UBXN11: variants seen among roughly 807,000 people sequenced by gnomAD.
UBXN11 encodes the protein UBX domain-containing protein 11.
A neutral mutation model predicts 62.8 loss-of-function variants in UBXN11; 47 were observed. The ratio of observed to expected loss-of-function variants is 0.75; its 90% CI spans 0.59 to 0.95. The LOEUF is 0.95. Ranked by LOEUF, UBXN11 falls within the 40% of genes least tolerant of loss-of-function variation. The pLI, the probability that UBXN11 is intolerant of heterozygous loss-of-function variation, is 0.00. For synonymous variants in UBXN11, 294 were observed against 267.0 expected, an observed-to-expected ratio of 1.10 and a Z score of -0.99; for missense variants, 638 against 661.7, an observed-to-expected ratio of 0.96 and a Z score of 0.39.
intron 8 of UBXN11, among the ~76,000 whole-genome samples, chr1:26,291,436 T>C (rs537467691): frequency 2.2e-4 from 34 of 152,308 alleles, no homozygotes; most frequent in Non-Finnish European, 4.9e-4. Context: ...ACCACAGATA[T>C]GGCCAGGGCC....
In UBXN11 at chr1:26,302,778, C is replaced by T. The variant is rs748045923; in HGVS notation, c.71+35G>A. The T allele has an allele frequency of 1.7e-5, 27 of 1,589,436 alleles. No homozygotes were observed. The East Asian group carries it at 3.1e-4, about 18-fold the overall frequency. ...GGAAGGATAGAAGAGGATACAGAGG[C>T]GGGGACAGAAAGACCCCTGAGGCTG... On this transcript the variant is annotated intron_variant, in intron 2 of 14. Transcript: ENST00000374222.
chr1:26,282,551 G>A lies in UBXN11; in HGVS notation c.1311C>T (p.Ala437=), dbSNP rs1383871295. ...LAQARVMDAS[A]FEIFSTFPPT... ...GCGGGAATGTGCTGAAGATCTCAAA[G>A]GCAGAGGCATCCATGACCCTGGGGA... The change falls in exon 15 of 15, where the codon GCC becomes GCT. Residue 437 remains alanine, a synonymous_variant. Coordinates refer to ENST00000374222, the MANE Select transcript of UBXN11 (RefSeq NM_001389556.1). 1.3e-6 allele frequency: 2 copies of A among 1,598,910 alleles called. No individual in the cohort carries two copies. The highest frequency in any genetic ancestry group is 1.7e-6 in the Non-Finnish European group (2 of 1,169,482).
chr1:26,300,352 A>G (rs2073500908), intron 4 of UBXN11, among the ~76,000 whole-genome samples: 1 of 152,198 alleles, frequency 6.6e-6, no homozygotes, highest in South Asian at 2.1e-4. Flanking sequence ...TGCTCAAGAT[A>G]CCACAGCTAG....
intron 8 of UBXN11, among the ~76,000 whole-genome samples, chr1:26,291,138 A>G (rs1454617465): frequency 6.6e-6 from 1 of 152,072 alleles, no homozygotes. Context: ...CTCACCCTCC[A>G]CAGGCCTCCA....
intron 1 of UBXN11, 33 bp from the exon 2 acceptor site, chr1:26,302,951 C>T: frequency 6.6e-7 from 1 of 1,509,452 alleles, no homozygotes; most frequent in Non-Finnish European, 9.1e-7. Context: ...CCCCTGGGGA[C>T]AGACTCAGGG....
upstream of UBXN11, chr1:26,306,842 T>TGGGGG (rs1201356841): frequency 7.4e-4 from 22 of 29,790 alleles, no homozygotes; most frequent in African/African-American, 8.4e-4. Flanking sequence ...GGGGGGGGGG[T>TGGGGG]GGTTCGTTCC....
intron 1 of UBXN11, among the ~76,000 whole-genome samples, chr1:26,312,985 A>C (rs1271311941): frequency 9.4e-6 from 1 of 106,850 alleles, no homozygotes; most frequent in Non-Finnish European, 2.2e-5. Context: ...GTCTCAAAAA[A>C]AAAAAAAAAA....
At chr1:26,293,035 G>A (rs149555624) in intron 8 of UBXN11, among the ~76,000 whole-genome samples, 85 of 152,256 alleles carry the variant, frequency 5.6e-4, no homozygotes, top group Non-Finnish European at 8.8e-4. Flanking sequence ...AGAAGGTGTC[G>A]TCATCTTCCA....
At chr1:26,296,546 A>T (rs537822058) in intron 7 of UBXN11, among the ~76,000 whole-genome samples, 3 of 152,154 alleles carry the variant, frequency 2.0e-5, no homozygotes, top group Non-Finnish European at 4.4e-5. Context: ...GAGGTCAAAG[A>T]CCCAGAGGAA....
chr1:26,317,878 TA>T, intron 1 of UBXN11: 1 of 707,392 alleles, frequency 1.4e-6, no homozygotes, highest in Non-Finnish European at 2.5e-6. Flanking sequence ...CTCCACCTTG[TA>T]AGCCCTCCTT....
chr1:26,301,060 C>T (rs965344300), intron 3 of UBXN11, 36 bp from the exon 4 acceptor site: 17 of 1,613,714 alleles, frequency 1.1e-5, no homozygotes, highest in Middle Eastern at 1.6e-4. Flanking sequence ...CGCTCTGGGG[C>T]GGAGACCCAG....
In UBXN11 at chr1:26,297,953, G is replaced by A; in HGVS notation, c.300+9C>T. ...CCGGCCCCTGGCCCTCTCCCACCTG[G>A]AGCCCCACCTTGGACAGTATCTCAT... is the stretch of plus-strand genomic sequence containing the variant. On this transcript the variant is annotated intron_variant, in intron 5 of 14. Coordinates refer to ENST00000374222, the MANE Select transcript of UBXN11 (RefSeq NM_001389556.1). 8 of 1,612,850 alleles carry A rather than the reference G, an allele frequency of 5.0e-6. No individual in the cohort carries two copies. Among genetic ancestry groups the A allele is most frequent in the Non-Finnish European group, 6.8e-6 (8 of 1,179,512 alleles).
At chr1:26,293,861 GC>G (rs1324256721) in intron 8 of UBXN11, among the ~76,000 whole-genome samples, 2 of 151,728 alleles carry the variant, frequency 1.3e-5, no homozygotes, top group Non-Finnish European at 2.9e-5. Flanking sequence ...CAGAAGGATT[GC>G]CTTTTTTTAA....
chr1:26,300,949 A>G lies in UBXN11; in HGVS notation c.176T>C (p.Ile59Thr), dbSNP rs776961014. The G allele has an allele frequency of 2.5e-6, 4 of 1,614,080 alleles. No homozygotes were observed. The highest frequency in any genetic ancestry group is 2.2e-5 in the South Asian group (2 of 91,090). The change falls in exon 4 of 15, where the codon ATA becomes ACA. Residue 59 changes from isoleucine to threonine, a missense_variant. Ile to Thr is a moderately conservative substitution (Grantham distance 89). Transcript: ENST00000374222. The part of the protein sequence containing the change: ...KISVPSCYGG[I>T]GAPVSRQVPA... ...ACCTTGCCGACTCACAGGGGCACCTATGCCGCCATAGCAGGAAGGGACTGA... is the reference window on the plus strand; with the variant it reads ...ACCTTGCCGACTCACAGGGGCACCTGTGCCGCCATAGCAGGAAGGGACTGA...
chr1:26,308,306 A>G (rs958113723), upstream of UBXN11, among the ~76,000 whole-genome samples: 1 of 152,152 alleles, frequency 6.6e-6, no homozygotes, highest in Non-Finnish European at 1.5e-5. Context: ...AGAAAAAAAC[A>G]GATGAGAAAA....
intron 4 of UBXN11, 101 bp from the exon 5 acceptor site, chr1:26,298,163 A>G (rs1170083244): frequency 4.9e-6 from 6 of 1,219,684 alleles, no homozygotes; most frequent in Non-Finnish European, 7.0e-6. Flanking sequence ...AAATGAAGGT[A>G]CTGAGAGCAG....
At chr1:26,318,264 C>G in exon 1 of UBXN11, 1 of 588,274 alleles carries the variant, frequency 1.7e-6, no homozygotes, top group Admixed American at 3.0e-5. Flanking sequence ...TGGGGCTGCA[C>G]TGCTTGCGGG....
At chr1:26,283,834 G>A (rs550385489) in intron 12 of UBXN11, among the ~76,000 whole-genome samples, 1 of 152,320 alleles carries the variant, frequency 6.6e-6, no homozygotes, top group East Asian at 1.9e-4. Flanking sequence ...AGGCAACCAC[G>A]AAGGGAGTAC....
chr1:26,291,257 C>G (rs1348398498), intron 8 of UBXN11, among the ~76,000 whole-genome samples: 1 of 152,182 alleles, frequency 6.6e-6, no homozygotes, highest in East Asian at 1.9e-4. Flanking sequence ...CTGGGCGGAG[C>G]AGGGTGGCAC....
Sources: gnomAD v4.1 joint callset for allele counts (sites outside exome capture counted in the v4.1 genomes callset) on GRCh38, gnomAD v4.1.1 for gene constraint, MANE v1.5 for transcripts, NCBI Gene and HGNC (gene_info 2026-07-23, HGNC 2026-07-21) for gene names.